NRXN2: variants seen among roughly 807,000 people sequenced by gnomAD.
NRXN2 encodes the protein neurexin 2.
Under a neutral mutation model 128.8 loss-of-function variants are expected in NRXN2, and 29 were observed. That is an observed-to-expected ratio of 0.23 (90% CI 0.17 to 0.31). The LOEUF is 0.31. Ranked by LOEUF, NRXN2 falls within the 10% of genes least tolerant of loss-of-function variation. The pLI, the probability that NRXN2 is intolerant of heterozygous loss-of-function variation, is 1.00. For missense variants in NRXN2, 1,881 were observed against 2,452.6 expected (o/e 0.77, Z 4.92); for synonymous variants, 1,098 against 1,075.2 (o/e 1.02, Z -0.41).
chr11:64,679,903 T>A (rs990696960), intron 6 of NRXN2, among the ~76,000 whole-genome samples: 1 of 151,978 alleles, frequency 6.6e-6, no homozygotes, highest in Admixed American at 6.5e-5. Flanking sequence ...AGGGAAGGGG[T>A]ACACAGCAGC....
At chr11:64,649,456 A>C (rs1401250117) in intron 15 of NRXN2, among the ~76,000 whole-genome samples, 2 of 152,148 alleles carry the variant, frequency 1.3e-5, no homozygotes, top group Non-Finnish European at 2.9e-5. Context: ...AATCCCTGGA[A>C]GCCCTAGCCA....
chr11:64,625,250 C>T (rs1340255808), intron 20 of NRXN2, among the ~76,000 whole-genome samples: 1 of 152,228 alleles, frequency 6.6e-6, no homozygotes, highest in East Asian at 1.9e-4. Flanking sequence ...CAGGCTGCTC[C>T]CTTGGCCTCT....
rs948498285 is a variant in NRXN2 at position 64,624,000 on chromosome 11, G to A, written c.3848-922C>T. 7.3e-6 allele frequency: 1 copy of A among 136,720 alleles called. No individual in the cohort carries two copies. Among genetic ancestry groups the A allele is most frequent in the Admixed American group, 7.7e-5 (1 of 13,064 alleles). The allele number at this position is 136,720 out of a possible 1,614,324, so 8.5% of individuals were successfully genotyped here. A position where few individuals can be genotyped will look rare whatever the true frequency, so the allele number is the denominator to read the frequency against. On this transcript the variant is annotated intron_variant, in intron 20 of 22. Transcript: ENST00000265459. The surrounding 1 kb of genome is among the most constrained non-coding windows in gnomAD (Gnocchi z 4.9). The stretch of plus-strand genomic sequence containing the variant: ...TTTTGGTTTGGTTTTTAGAAAAGAT[G>A]TTTATTATGTTTAAGTTTAGATTTA...
At chr11:64,656,757 G>T (rs1045206075) in intron 11 of NRXN2, among the ~76,000 whole-genome samples, 1 of 152,092 alleles carries the variant, frequency 6.6e-6, no homozygotes. Context: ...ATCCTCTAGG[G>T]ACAGAGATCA....
chr11:64,699,749 A>T (rs1313001684), intron 2 of NRXN2, among the ~76,000 whole-genome samples: 3 of 152,052 alleles, frequency 2.0e-5, no homozygotes, highest in Non-Finnish European at 4.4e-5. Context: ...CATTTCATTT[A>T]TGGGGGGAGC....
At chr11:64,643,370 G>T in intron 17 of NRXN2, 1 of 602,036 alleles carries the variant, frequency 1.7e-6, no homozygotes, top group Non-Finnish European at 2.0e-6. Context: ...GGAGGGGGGG[G>T]CGGGAGAAGG....
rs749258864 is a variant in NRXN2 at position 64,626,339 on chromosome 11, C to T, written c.3847+124G>A. On this transcript the variant is annotated intron_variant, in intron 20 of 22. Coordinates refer to ENST00000265459, the MANE Select transcript of NRXN2 (RefSeq NM_015080.4). ...AAGGGGAAGGGAGCATTCTGGCTGGCCAATTGTCCCTTCACTTGGGGGTGG... is the reference window on the plus strand; with the variant it reads ...AAGGGGAAGGGAGCATTCTGGCTGGTCAATTGTCCCTTCACTTGGGGGTGG... 1.1e-4 allele frequency: 85 copies of T among 746,604 alleles called. 1 individual carries two copies. Among genetic ancestry groups the T allele is most frequent in the South Asian group, 2.8e-4 (18 of 63,248 alleles). 46.2% of individuals were successfully genotyped at this position (746,604 alleles called of 1,614,324 possible). A position where few individuals can be genotyped will look rare whatever the true frequency, so the allele number is the denominator to read the frequency against.
At chr11:64,619,811 G>A (rs2042045570) in intron 22 of NRXN2, among the ~76,000 whole-genome samples, 1 of 152,154 alleles carries the variant, frequency 6.6e-6, no homozygotes, top group Admixed American at 6.5e-5. Flanking sequence ...CAGAGCACAG[G>A]ACACCTCCCA....
At chr11:64,706,080 T>C (rs866782547) in intron 2 of NRXN2, among the ~76,000 whole-genome samples, 1 of 74,114 alleles carries the variant, frequency 1.3e-5, no homozygotes, top group African/African-American at 5.7e-5. Context: ...ATATATATAA[T>C]ATATATAATA....
Position 64,667,483 on chromosome 11 carries a change from C to A in NRXN2, c.1565G>T (p.Arg522Leu), listed in dbSNP as rs376207731. 1 of 1,613,836 alleles carries A rather than the reference C, an allele frequency of 6.2e-7. No individual in the cohort carries two copies. The highest frequency in any genetic ancestry group is 1.3e-5 in the African/African-American group (1 of 74,918). Residue 522 changes from arginine to leucine, a missense_variant, in exon 9 of 23, where the codon CGC (arginine) becomes CTC (leucine). Physicochemically the swap from Arg to Leu is moderately radical, Grantham distance 102 (BLOSUM62 -2). Around this residue, in one of 7 missense-constraint regions of NRXN2, gnomAD observed 997 missense variants for 1,240.8 expected, o/e 0.80. Transcript: ENST00000265459. The surrounding 1 kb of genome is among the most constrained non-coding windows in gnomAD (Gnocchi z 5.6). The part of the protein sequence containing the change: ...KRTGSISLDF[R>L]TTEPNGLLLF... ...CAGCAGCCCATTGGGCTCGGTGGTG[C>A]GGAAGTCTAGGGAGATGGAGCCAGT...
In NRXN2 at chr11:64,651,614, C is replaced by T; in HGVS notation, c.2559G>A (p.Met853Ile). 1 of 1,614,040 alleles carries T rather than the reference C, an allele frequency of 6.2e-7. No homozygotes were observed. Among genetic ancestry groups the T allele is most frequent in the Non-Finnish European group, 8.5e-7 (1 of 1,180,008 alleles). Residue 853 changes from methionine (M) to isoleucine (I), a missense_variant, in exon 14 of 23, where the codon ATG (methionine) becomes ATA (isoleucine). Transcript: ENST00000265459. This position sits in a 1 kb window ranked among gnomAD's most constrained non-coding sequence, Gnocchi z 5.9. ...TVEGQMAGAH[M>I]RLEFHNIETG... ...TCTCAATGTTGTGGAACTCCAGCCG[C>T]ATATGGGCTCCTGCCATCTGTCCTG...
chr11:64,633,838 A>T (rs1047001339), intron 18 of NRXN2, among the ~76,000 whole-genome samples: 1 of 151,698 alleles, frequency 6.6e-6, no homozygotes, highest in Non-Finnish European at 1.5e-5. Context: ...TGTCCCGCTG[A>T]CACAGGTACA....
rs1200829660 is a variant in NRXN2 at position 64,667,324 on chromosome 11, T to C, written c.1724A>G (p.Lys575Arg). ...GACCTTGCGGCTGGATGCCCGCAGC[T>C]TGATGCCCCCAGATCCCATGTCCAG... ...LLLDMGSGGI[K>R]LRASSRKVND... is the part of the protein sequence containing the mutation. Residue 575 changes from lysine (K) to arginine (R), a missense_variant, in exon 9 of 23, where the codon AAG (lysine) becomes AGG (arginine). Lys to Arg is a conservative substitution (Grantham distance 26, BLOSUM62 2). Transcript: ENST00000265459. This position sits in a 1 kb window ranked among gnomAD's most constrained non-coding sequence, Gnocchi z 5.6. 1 of 1,614,236 alleles carries C rather than the reference T, an allele frequency of 6.2e-7. No homozygotes were observed. Among genetic ancestry groups the C allele is most frequent in the Admixed American group, 1.7e-5 (1 of 60,032 alleles).
At position 64,610,979 on chromosome 11, in the gene NRXN2, G is replaced by A. The variant is rs138860845; in HGVS notation, c.4253-2897C>T. On this transcript the variant is annotated intron_variant, in intron 22 of 22. Coordinates refer to ENST00000265459, the MANE Select transcript of NRXN2 (RefSeq NM_015080.4). Reference sequence around the variant, plus strand: ...TCTGGCCAAACACCTCCTCTTCCAGGCAGAGGATGCTCCCTGCCTTGAGTG... The same window carrying A: ...TCTGGCCAAACACCTCCTCTTCCAGACAGAGGATGCTCCCTGCCTTGAGTG... 3.2e-4 allele frequency among the ~76,000 whole-genome samples: 48 copies of A among 152,222 alleles called. No homozygotes were observed. The East Asian group carries it at 9.3e-3, about 29-fold the overall frequency.
chr11:64,651,766 C>T lies in NRXN2; in HGVS notation c.2537-130G>A. 9.3e-7 allele frequency: 1 copy of T among 1,078,490 alleles called. No homozygotes were observed. The allele number at this position is 1,078,490 out of a possible 1,614,324, so 66.8% of individuals were successfully genotyped here. A position where few individuals can be genotyped will look rare whatever the true frequency, so the allele number is the denominator to read the frequency against. On this transcript the variant is annotated intron_variant, in intron 13 of 22. Coordinates refer to ENST00000265459, the MANE Select transcript of NRXN2 (RefSeq NM_015080.4). This position sits in a 1 kb window ranked among gnomAD's most constrained non-coding sequence, Gnocchi z 5.9. ...ATCTTTAGAGATGTCCTCGGCTAGG[C>T]ACTAGCAGCCAGCACAGCTCCAAGA...
intron 2 of NRXN2, among the ~76,000 whole-genome samples, chr11:64,704,631 G>C (rs971419146): frequency 0.02 from 2,309 of 113,362 alleles, 19 homozygotes; most frequent in African/African-American, 0.039. Flanking sequence ...CACAGAGAGA[G>C]AGAGAGAGAG....
At position 64,650,457 on chromosome 11, in the gene NRXN2, C is replaced by G; in HGVS notation, c.3100G>C (p.Asp1034His). ...GAGGCCCCAGCCCCACCTTTGAGAT[C>G]GAGGTTTCGGGCGCCATTGGAGTGC... Reference protein sequence around the residue: ...TQHSNGARNLDLKGELYIGGL... With the variant: ...TQHSNGARNLHLKGELYIGGL... The change falls in exon 15 of 23, where the codon GAT (aspartate) becomes CAT (histidine). Residue 1034 changes from aspartate (D) to histidine (H), a missense_variant. Coordinates refer to ENST00000265459, the MANE Select transcript of NRXN2 (RefSeq NM_015080.4). 6.2e-7 allele frequency: 1 copy of G among 1,614,106 alleles called. No homozygotes were observed. The highest frequency in any genetic ancestry group is 8.5e-7 in the Non-Finnish European group (1 of 1,180,010).
At chr11:64,658,985 C>A (rs961878139) in intron 11 of NRXN2, among the ~76,000 whole-genome samples, 3 of 152,240 alleles carry the variant, frequency 2.0e-5, no homozygotes, top group South Asian at 2.1e-4. Flanking sequence ...GATCACGCCA[C>A]TGCACTCCCA....
chr11:64,653,490 C>T (rs546069466), intron 12 of NRXN2, among the ~76,000 whole-genome samples: 36 of 152,242 alleles, frequency 2.4e-4, no homozygotes, highest in Middle Eastern at 3.4e-3. Flanking sequence ...CCCAGCTCTC[C>T]TTGGCTCTGC....
Sources: gnomAD v4.1 joint callset for allele counts (sites outside exome capture counted in the v4.1 genomes callset) on GRCh38, gnomAD v4.1.1 for gene constraint, gnomAD v4.1.1 regional missense constraint, Gnocchi (gnomAD v3.1) non-coding constraint, MANE v1.5 for transcripts, NCBI Gene and HGNC (gene_info 2026-07-23, HGNC 2026-07-21) for gene names.